The following ANKRD30BL variants were observed in gnomAD, a reference collection of about 807,000 sequenced individuals.
ANKRD30BL encodes the protein putative ankyrin repeat domain-containing protein 30B-like.
In ANKRD30BL, 20 loss-of-function variants were observed where a neutral mutation model predicts 18.4. That is an observed-to-expected ratio of 1.09 (90% CI 0.77 to 1.58). The LOEUF (loss-of-function observed/expected upper bound fraction) is 1.58. Among genes scored for constraint, ANKRD30BL ranks in the 40% most tolerant of loss-of-function variants. The pLI is 0.00. For missense variants in ANKRD30BL, 224 were observed against 268.6 expected (o/e 0.83, Z 1.16); for synonymous variants, 72 against 100.9 (o/e 0.71, Z 1.72).
chr2:132,179,416 G>A (rs889373176), intron 1 of ANKRD30BL, among the ~76,000 whole-genome samples: 1 of 151,394 alleles, frequency 6.6e-6, no homozygotes, highest in African/African-American at 2.4e-5. Context: ...AGCCTCCCAA[G>A]TACCTGGGAC....
At chr2:132,165,049 G>A (rs1191161925), upstream of ANKRD30BL, among the ~76,000 whole-genome samples, 1 of 152,046 alleles carries the variant, frequency 6.6e-6, no homozygotes, top group African/African-American at 2.4e-5. Flanking sequence ...ACTCCAGCCT[G>A]GGCGACAGAG....
At chr2:132,232,065 G>T (rs1451602868) in intron 1 of ANKRD30BL, among the ~76,000 whole-genome samples, 4 of 152,208 alleles carry the variant, frequency 2.6e-5, no homozygotes, top group African/African-American at 9.6e-5. Context: ...GCACTCCCCA[G>T]CAGGGGCACA....
chr2:132,156,013 C>A (rs1687894471), intron 3 of ANKRD30BL: 1 of 151,884 alleles, frequency 6.6e-6, no homozygotes, highest in African/African-American at 2.4e-5. Flanking sequence ...TGCAATAATC[C>A]ACTTTTATTC....
intron 1 of ANKRD30BL, among the ~76,000 whole-genome samples, chr2:132,234,662 C>T (rs895761559): frequency 1.3e-5 from 2 of 152,054 alleles, no homozygotes; most frequent in Non-Finnish European, 1.5e-5. Context: ...CGGAATAGAC[C>T]AATAACAGGC....
chr2:132,150,371 T>A (rs200017911), intron 5 of ANKRD30BL, among the ~76,000 whole-genome samples: 1 of 151,838 alleles, frequency 6.6e-6, no homozygotes, highest in Non-Finnish European at 1.5e-5. Flanking sequence ...AATGTTGCAG[T>A]TTTCTGTTAT....
chr2:132,228,410 T>C (rs185257886), intron 1 of ANKRD30BL, among the ~76,000 whole-genome samples: 2,047 of 151,910 alleles, frequency 0.013, 41 homozygotes, highest in African/African-American at 0.047. Flanking sequence ...TTGCAACCTA[T>C]GTTAGAAAAG....
At chr2:132,245,503 TCA>T (rs1415982615) in intron 1 of ANKRD30BL, among the ~76,000 whole-genome samples, 1 of 152,286 alleles carries the variant, frequency 6.6e-6, no homozygotes, top group African/African-American at 2.4e-5. Context: ...TGCAATCAAC[TCA>T]CAGAGTTGAA....
intron 1 of ANKRD30BL, among the ~76,000 whole-genome samples, chr2:132,181,790 A>G (rs1367768119): frequency 1.3e-5 from 2 of 152,194 alleles, no homozygotes; most frequent in Admixed American, 6.5e-5. Context: ...CATGAAGAAC[A>G]TGACAGGATG....
chr2:132,178,040 T>G (rs1375643672), intron 1 of ANKRD30BL, among the ~76,000 whole-genome samples: 2 of 152,182 alleles, frequency 1.3e-5, no homozygotes, highest in East Asian at 3.8e-4. Context: ...TTTTAGAACT[T>G]AAAATATATC....
At chr2:132,246,188 C>A (rs546639781) in intron 1 of ANKRD30BL, among the ~76,000 whole-genome samples, 2 of 152,046 alleles carry the variant, frequency 1.3e-5, no homozygotes, top group Non-Finnish European at 2.9e-5. Flanking sequence ...TCATTCAACT[C>A]ACTGAGTTGA....
chr2:132,193,045 G>T (rs1284289456), intron 1 of ANKRD30BL, among the ~76,000 whole-genome samples: 4 of 152,196 alleles, frequency 2.6e-5, no homozygotes, highest in South Asian at 2.1e-4. Context: ...GGCACGGAGT[G>T]TAAAGAATCT....
intron 1 of ANKRD30BL, among the ~76,000 whole-genome samples, chr2:132,252,330 G>C (rs1407410929): frequency 6.6e-6 from 1 of 152,242 alleles, no homozygotes; most frequent in Admixed American, 6.5e-5. Flanking sequence ...ATGCAGCGGT[G>C]CTGCCCTGCC....
chr2:132,199,425 T>G (rs1679048404), intron 1 of ANKRD30BL, among the ~76,000 whole-genome samples: 1 of 152,156 alleles, frequency 6.6e-6, no homozygotes, highest in African/African-American at 2.4e-5. Context: ...TGCTAAATAC[T>G]TTGCATGAAG....
At chr2:132,234,509 C>T (rs561497959) in intron 1 of ANKRD30BL, among the ~76,000 whole-genome samples, 1 of 152,220 alleles carries the variant, frequency 6.6e-6, no homozygotes, top group South Asian at 2.1e-4. Context: ...GGGGATATCA[C>T]CACCGATCTC....
chr2:132,188,442 C>T (rs1401299001), intron 1 of ANKRD30BL, among the ~76,000 whole-genome samples: 2 of 152,188 alleles, frequency 1.3e-5, no homozygotes, highest in Non-Finnish European at 2.9e-5. Flanking sequence ...GCGGGCAGGG[C>T]GCGGTGGCTC....
intron 1 of ANKRD30BL, among the ~76,000 whole-genome samples, chr2:132,220,889 C>T (rs1679655184): frequency 6.6e-6 from 1 of 151,538 alleles, no homozygotes; most frequent in Non-Finnish European, 1.5e-5. Context: ...GAGCCTCTGC[C>T]CGGCCGCCAT....
chr2:132,233,078 C>A lies in ANKRD30BL; in HGVS notation n.441+24451G>T, dbSNP rs1368602987. Among the ~76,000 whole-genome samples the A allele has an allele frequency of 2.6e-5, 4 of 151,798 alleles. 1 individual carries two copies. Among genetic ancestry groups the A allele is most frequent in the Non-Finnish European group, 5.9e-5 (4 of 67,962 alleles). On this transcript the variant is annotated intron_variant and non_coding_transcript_variant, in intron 1 of 4. Coordinates refer to the ANKRD30BL transcript ENST00000470729. ...TTTCAACCCAGAATTTCATATCCAG[C>A]CAAACAAAGCTTCATAAGTGAAGGA... is the stretch of plus-strand genomic sequence containing the variant.
upstream of ANKRD30BL, among the ~76,000 whole-genome samples, chr2:132,164,324 G>A (rs1203983848): frequency 8.2e-6 from 1 of 122,438 alleles, no homozygotes; most frequent in Non-Finnish European, 1.6e-5. Flanking sequence ...TTGCCTTCTT[G>A]CCCAGGCTGA....
At chr2:132,153,709 A>T in intron 4 of ANKRD30BL, 1 of 1,201,076 alleles carries the variant, frequency 8.3e-7, no homozygotes, top group Non-Finnish European at 1.1e-6. Flanking sequence ...AATAACAAAG[A>T]GATAACTTCA....
Sources: gnomAD v4.1 joint callset for allele counts (sites outside exome capture counted in the v4.1 genomes callset) on GRCh38, gnomAD v4.1.1 for gene constraint, MANE v1.5 for transcripts, NCBI Gene and HGNC (gene_info 2026-07-23, HGNC 2026-07-21) for gene names.